Variants in NTRK3 observed in about 807,000 individuals in gnomAD.
NTRK3 encodes neurotrophic receptor tyrosine kinase 3, also known as NT-3 growth factor receptor.
Under a neutral mutation model 91.7 loss-of-function variants are expected in NTRK3, and 24 were observed. That is an observed-to-expected ratio of 0.26 (90% CI 0.19 to 0.37). NTRK3 has a LOEUF of 0.37. Among genes scored for constraint, NTRK3 ranks in the 10% least tolerant of loss-of-function variants. NTRK3 has a pLI of 1.00. For missense variants in NTRK3, 880 were observed against 1,068.9 expected, an observed-to-expected ratio of 0.82 and a Z score of 2.46; for synonymous variants, 483 against 404.0, an observed-to-expected ratio of 1.20 and a Z score of -2.34.
At chr15:88,008,225 C>T (rs2141717487) in intron 14 of NTRK3, among the ~76,000 whole-genome samples, 1 of 152,228 alleles carries the variant, frequency 6.6e-6, no homozygotes, top group African/African-American at 2.4e-5. Context: ...TGGAGAAGTT[C>T]CATGTGTTCA....
At position 87,929,230 on chromosome 15, in the gene NTRK3, G is replaced by A. The variant is rs377070065; in HGVS notation, c.2094C>T (p.Phe698=). 122 of 1,613,960 alleles carry A rather than the reference G, an allele frequency of 7.6e-5. No homozygotes were observed. Among genetic ancestry groups the A allele is most frequent in the Non-Finnish European group, 9.5e-5 (112 of 1,180,024 alleles). The change falls in exon 17 of 19, where the codon TTC becomes TTT. Residue 698 remains phenylalanine, a synonymous_variant. Transcript: ENST00000394480. The stretch of plus-strand genomic sequence containing the variant: ...TGCTGTAGACATCTCTGGACATGCC[G>A]AAGTCCCCAATCTTCACTAGCAGAT...
At chr15:88,137,701 G>T in intron 6 of NTRK3, 140 bp from the exon 7 acceptor site, 1 of 845,372 alleles carries the variant, frequency 1.2e-6, no homozygotes, top group Non-Finnish European at 1.8e-6. Flanking sequence ...AAAAGAAGTG[G>T]AAAAATCCTT....
chr15:87,886,737 AACAC>A (rs368496451), intron 17 of NTRK3, among the ~76,000 whole-genome samples: 1 of 131,758 alleles, frequency 7.6e-6, no homozygotes, highest in African/African-American at 3.0e-5. Context: ...CACACACATA[AACAC>A]ACACACACAC....
chr15:88,007,187 A>G (rs1393359246), intron 14 of NTRK3, among the ~76,000 whole-genome samples: 1 of 152,240 alleles, frequency 6.6e-6, no homozygotes, highest in African/African-American at 2.4e-5. Context: ...TATATTCATA[A>G]TAACTATCCT....
At chr15:88,074,777 C>T (rs1335101062) in intron 13 of NTRK3, among the ~76,000 whole-genome samples, 8 of 152,132 alleles carry the variant, frequency 5.3e-5, no homozygotes, top group African/African-American at 9.7e-5. Context: ...CCTTGGGATT[C>T]GAATTGACAG....
rs1392125719 is a variant in NTRK3 at position 88,136,722 on chromosome 15, C to T, written c.623-113G>A. 9.9e-6 allele frequency: 13 copies of T among 1,318,206 alleles called. No homozygotes were observed. The East Asian group carries it at 3.3e-4, about 33-fold the overall frequency. 81.7% of individuals were successfully genotyped at this position (1,318,206 alleles called of 1,614,324 possible). A position where few individuals can be genotyped will look rare whatever the true frequency, so the allele number is the denominator to read the frequency against. On this transcript the variant is annotated intron_variant, in intron 7 of 18. Coordinates refer to ENST00000394480, the Ensembl canonical transcript of NTRK3. ...TTGCCTTGCCCAGTAATGACTCTAA[C>T]ACCACCTGCTTGAGTTCTTGGAAGA...
At position 87,955,326 on chromosome 15, in the gene NTRK3, A is replaced by G. The variant is rs149192116; in HGVS notation, c.1586-14573T>C. Among the ~76,000 whole-genome samples, 34 of 152,330 alleles carry G rather than the reference A, an allele frequency of 2.2e-4. 1 individual carries two copies. The East Asian group carries it at 6.4e-3, about 29-fold the overall frequency. ...GAAGTTCTGCCTGCCACTTTGAGCT[A>G]TAGAGAACTCTGACTGCCCTAGGCC... On this transcript the variant is annotated intron_variant, in intron 14 of 18. Coordinates refer to ENST00000394480, the Ensembl canonical transcript of NTRK3.
intron 13 of NTRK3, among the ~76,000 whole-genome samples, chr15:88,083,825 T>C (rs150506594): frequency 2.6e-5 from 4 of 152,234 alleles, no homozygotes; most frequent in Non-Finnish European, 5.9e-5. Flanking sequence ...CTAAGACTTG[T>C]AGTAACTTCC....
At chr15:87,918,435 C>T (rs1046185761) in intron 17 of NTRK3, among the ~76,000 whole-genome samples, 1 of 152,260 alleles carries the variant, frequency 6.6e-6, no homozygotes, top group Admixed American at 6.5e-5. Context: ...AATCACACAC[C>T]GTTCTAGATC....
In NTRK3 at chr15:87,966,330, C is replaced by A. The variant is rs965066520; in HGVS notation, c.1586-25577G>T. ...AAATAAGGCATGTCTTATCCTCCTG[C>A]CCTGCGAAATTGATCTTCAGGATGA... is the stretch of plus-strand genomic sequence containing the variant. On this transcript the variant is annotated intron_variant, in intron 14 of 18. Transcript: ENST00000394480. 3.3e-5 allele frequency among the ~76,000 whole-genome samples: 5 copies of A among 152,316 alleles called. No individual in the cohort carries two copies. In the South Asian group the frequency reaches 1.0e-3, roughly 32 times the overall value.
At chr15:87,891,982 G>A (rs186117674) in intron 17 of NTRK3, among the ~76,000 whole-genome samples, 93 of 152,120 alleles carry the variant, frequency 6.1e-4, no homozygotes, top group Admixed American at 1.4e-3. Flanking sequence ...GGATAGTTTT[G>A]AGGGACTTTG....
At chr15:88,145,512 T>G (rs1475466410) in intron 6 of NTRK3, among the ~76,000 whole-genome samples, 1 of 152,208 alleles carries the variant, frequency 6.6e-6, no homozygotes, top group East Asian at 1.9e-4. Context: ...CAGGCAAAGA[T>G]GAATGCAGAA....
At chr15:87,957,999 T>G (rs2071851466) in intron 14 of NTRK3, among the ~76,000 whole-genome samples, 1 of 152,170 alleles carries the variant, frequency 6.6e-6, no homozygotes, top group Non-Finnish European at 1.5e-5. Flanking sequence ...GGGGGTGGCC[T>G]GTTGGTGGGG....
chr15:87,868,875 C>T (rs2064755073), exon 19 of NTRK3: 1 of 223,690 alleles, frequency 4.5e-6, no homozygotes, highest in Non-Finnish European at 8.9e-6. Flanking sequence ...ATAGGAAAGA[C>T]CTGCACAAAA....
intron 13 of NTRK3, among the ~76,000 whole-genome samples, chr15:88,054,532 A>G (rs1275060561): frequency 6.6e-6 from 1 of 152,212 alleles, no homozygotes; most frequent in African/African-American, 2.4e-5. Context: ...GCAACTCAAC[A>G]GGCATCCCAT....
intron 10 of NTRK3, among the ~76,000 whole-genome samples, chr15:88,133,648 T>A (rs1251691899): frequency 6.6e-6 from 1 of 152,164 alleles, no homozygotes; most frequent in Non-Finnish European, 1.5e-5. Context: ...TTGTAGACCA[T>A]AAGAGCAAAA....
Position 88,022,056 on chromosome 15 carries a change from T to C in NTRK3, c.1585+10801A>G, listed in dbSNP as rs563184050. 7.2e-4 allele frequency among the ~76,000 whole-genome samples: 110 copies of C among 152,138 alleles called. 1 individual carries two copies. The highest frequency in any genetic ancestry group is 1.3e-3 in the Non-Finnish European group (90 of 68,022). ...ACCCTGCATTCCTGGCTTCTCCCTG[T>C]GAAAAGCAAGTGACTTATTTGATGG... On this transcript the variant is annotated intron_variant, in intron 14 of 18. Transcript: ENST00000394480.
intron 3 of NTRK3, among the ~76,000 whole-genome samples, chr15:88,196,438 G>C (rs1182298741): frequency 1.3e-5 from 2 of 152,230 alleles, no homozygotes; most frequent in African/African-American, 4.8e-5. Flanking sequence ...GAAGAATGTG[G>C]AGCAGGGGCT....
At chr15:88,150,112 G>C (rs904254857) in intron 5 of NTRK3, among the ~76,000 whole-genome samples, 1 of 152,170 alleles carries the variant, frequency 6.6e-6, no homozygotes, top group Non-Finnish European at 1.5e-5. Flanking sequence ...TAGCCAGAAA[G>C]CTCAGACTTA....
Sources: gnomAD v4.1 joint callset for allele counts (sites outside exome capture counted in the v4.1 genomes callset) on GRCh38, gnomAD v4.1.1 for gene constraint, MANE v1.5 for transcripts, NCBI Gene and HGNC (gene_info 2026-07-23, HGNC 2026-07-21) for gene names.